Variants in SNTB1 observed in about 807,000 individuals in gnomAD.
SNTB1 encodes the protein beta-1-syntrophin.
A neutral mutation model predicts 48.9 loss-of-function variants in SNTB1; 36 were observed. That is an observed-to-expected ratio of 0.74 (90% CI 0.56 to 0.97). The LOEUF is 0.97. Ranked by LOEUF, SNTB1 falls within the 50% of genes least tolerant of loss-of-function variation. The pLI is 0.00. For missense variants in SNTB1, 786 were observed against 703.4 expected (o/e 1.12, Z -1.33); for synonymous variants, 299 against 294.6 (o/e 1.01, Z -0.15).
intron 2 of SNTB1, among the ~76,000 whole-genome samples, chr8:120,679,102 C>T (rs1817886805): frequency 6.6e-6 from 1 of 152,184 alleles, no homozygotes; most frequent in South Asian, 2.1e-4. Flanking sequence ...GGGTGCTTCC[C>T]CACCACTTGT....
intron 2 of SNTB1, among the ~76,000 whole-genome samples, chr8:120,688,424 C>A (rs1374324780): frequency 1.3e-5 from 2 of 152,222 alleles, no homozygotes; most frequent in Non-Finnish European, 1.5e-5. Context: ...GATAAATATA[C>A]TATTTATCAT....
At chr8:120,689,345 T>C (rs951517313) in intron 2 of SNTB1, among the ~76,000 whole-genome samples, 14 of 152,332 alleles carry the variant, frequency 9.2e-5, no homozygotes, top group Admixed American at 3.3e-4. Flanking sequence ...GGCGAGCTGC[T>C]CTGCTAGGTG....
At chr8:120,617,541 A>G (rs966354514) in intron 3 of SNTB1, among the ~76,000 whole-genome samples, 1 of 152,222 alleles carries the variant, frequency 6.6e-6, no homozygotes, top group Non-Finnish European at 1.5e-5. Flanking sequence ...ACGAGTGCTA[A>G]GGTAGAATAG....
chr8:120,576,640 T>G (rs1161496620), intron 3 of SNTB1, among the ~76,000 whole-genome samples: 2 of 152,180 alleles, frequency 1.3e-5, no homozygotes, highest in African/African-American at 2.4e-5. Context: ...TATACAACAG[T>G]GGTTTTGAGT....
chr8:120,806,579 A>C (rs1311441454), intron 1 of SNTB1, among the ~76,000 whole-genome samples: 1 of 152,208 alleles, frequency 6.6e-6, no homozygotes, highest in Non-Finnish European at 1.5e-5. Context: ...AATTCACTTT[A>C]CAATAATAAA....
chr8:120,607,309 C>T (rs1816539636), intron 3 of SNTB1, among the ~76,000 whole-genome samples: 3 of 152,192 alleles, frequency 2.0e-5, no homozygotes, highest in Admixed American at 2.0e-4. Context: ...TATTTTAAGG[C>T]TGGTGCGTCC....
At chr8:120,717,575 CCTTT>C in intron 1 of SNTB1, among the ~76,000 whole-genome samples, 1 of 152,310 alleles carries the variant, frequency 6.6e-6, no homozygotes, top group East Asian at 1.9e-4. Flanking sequence ...ACTGAGGTTG[CCTTT>C]CTTCATCACG....
At chr8:120,632,883 C>T (rs768584490) in intron 2 of SNTB1, among the ~76,000 whole-genome samples, 1 of 152,184 alleles carries the variant, frequency 6.6e-6, no homozygotes, top group Non-Finnish European at 1.5e-5. Context: ...TGTGCAACCA[C>T]CAAATCACCT....
chr8:120,811,242 C>A lies in SNTB1; in HGVS notation c.571+31G>T, dbSNP rs373481464. On this transcript the variant is annotated intron_variant, in intron 1 of 6. Coordinates refer to ENST00000517992, the MANE Select transcript of SNTB1 (RefSeq NM_021021.4). ...GAAGCCGAGCAGGTGTGTGCGCGCCCGGCGCGGCCCGCGCGCTGTTAACCC... is the reference window on the plus strand; with the variant it reads ...GAAGCCGAGCAGGTGTGTGCGCGCCAGGCGCGGCCCGCGCGCTGTTAACCC... 9.9e-5 allele frequency: 153 copies of A among 1,550,394 alleles called. No homozygotes were observed. The African/African-American group carries it at 2.0e-3, about 20-fold the overall frequency.
intron 2 of SNTB1, among the ~76,000 whole-genome samples, chr8:120,646,593 T>C (rs369868068): frequency 5.3e-5 from 8 of 151,974 alleles, no homozygotes; most frequent in African/African-American, 9.7e-5. Flanking sequence ...ATTTTTGCAT[T>C]AATGTTCATC....
At chr8:120,789,113 G>A (rs1377587837) in intron 1 of SNTB1, among the ~76,000 whole-genome samples, 1 of 151,836 alleles carries the variant, frequency 6.6e-6, no homozygotes, top group Non-Finnish European at 1.5e-5. Flanking sequence ...CAAATACATA[G>A]TGATTAAACA....
intron 5 of SNTB1, among the ~76,000 whole-genome samples, chr8:120,545,150 C>T (rs4486251): frequency 0.32 from 47,978 of 151,826 alleles, 8,922 homozygotes; most frequent in African/African-American, 0.53. Flanking sequence ...TTGAGACCAG[C>T]GTGACCAACA....
At chr8:120,702,614 C>T (rs1010199775) in intron 1 of SNTB1, among the ~76,000 whole-genome samples, 6 of 151,730 alleles carry the variant, frequency 4.0e-5, no homozygotes, top group African/African-American at 1.5e-4. Flanking sequence ...TCAACAGCAT[C>T]AGGACCATAA....
intron 1 of SNTB1, among the ~76,000 whole-genome samples, chr8:120,784,528 T>G (rs1275640271): frequency 6.6e-6 from 1 of 152,172 alleles, no homozygotes; most frequent in African/African-American, 2.4e-5. Context: ...TGGCCTGATT[T>G]CCTGGACACA....
At chr8:120,577,081 A>G (rs1038311706) in intron 3 of SNTB1, among the ~76,000 whole-genome samples, 2 of 152,182 alleles carry the variant, frequency 1.3e-5, no homozygotes, top group African/African-American at 4.8e-5. Context: ...TCCTTGGGAA[A>G]AATTATAAGA....
At chr8:120,608,996 G>C (rs13254959) in intron 3 of SNTB1, among the ~76,000 whole-genome samples, 1 of 151,938 alleles carries the variant, frequency 6.6e-6, no homozygotes, top group Admixed American at 6.6e-5. Flanking sequence ...TGTTAAGATA[G>C]GAGTGCAGTA....
chr8:120,547,993 G>T (rs1815411660), intron 5 of SNTB1, among the ~76,000 whole-genome samples: 1 of 152,170 alleles, frequency 6.6e-6, no homozygotes, highest in African/African-American at 2.4e-5. Context: ...CAGTATGGAG[G>T]TGGGGCTTGG....
intron 4 of SNTB1, among the ~76,000 whole-genome samples, chr8:120,562,777 C>T (rs535424440): frequency 9.9e-5 from 15 of 152,170 alleles, no homozygotes; most frequent in East Asian, 3.9e-4. Context: ...CACTTAGAAA[C>T]GGGTTAATTG....
At chr8:120,712,603 G>C (rs1818482907) in intron 1 of SNTB1, among the ~76,000 whole-genome samples, 1 of 152,016 alleles carries the variant, frequency 6.6e-6, no homozygotes, top group Admixed American at 6.5e-5. Flanking sequence ...ACTTAGAAAA[G>C]CTCAGTGCAG....
Sources: gnomAD v4.1 joint callset for allele counts (sites outside exome capture counted in the v4.1 genomes callset) on GRCh38, gnomAD v4.1.1 for gene constraint, MANE v1.5 for transcripts, NCBI Gene and HGNC (gene_info 2026-07-23, HGNC 2026-07-21) for gene names.